The following SDHAF3 variants were observed in gnomAD, a reference collection of about 807,000 sequenced individuals.
SDHAF3 encodes the protein succinate dehydrogenase assembly factor 3, mitochondrial.
A neutral mutation model predicts 11.5 loss-of-function variants in SDHAF3; 18 were observed. That is an observed-to-expected ratio of 1.56 (90% CI 1.08 to 2.32). The LOEUF is 2.32. SDHAF3 is among the 30% of genes most tolerant of loss of function. The pLI is 0.00. For synonymous variants in SDHAF3, 72 were observed against 59.3 expected, an observed-to-expected ratio of 1.21 and a Z score of -0.99; for missense variants, 200 against 154.4, an observed-to-expected ratio of 1.30 and a Z score of -1.57.
At position 97,137,053 on chromosome 7, in the gene SDHAF3, G is replaced by C. The variant is rs534753179; in HGVS notation, c.174+19156G>C. ...TTTGTTTTTGGTTGTTTGTTTTTCAGGGCTGTCTGGGAGCCTCACTAGTAT... is the reference window on the plus strand; with the variant it reads ...TTTGTTTTTGGTTGTTTGTTTTTCACGGCTGTCTGGGAGCCTCACTAGTAT... On this transcript the variant is annotated intron_variant, in intron 1 of 1. Transcript: ENST00000432641. Among the ~76,000 whole-genome samples the C allele has an allele frequency of 7.9e-5, 12 of 152,024 alleles. No homozygotes were observed. In the South Asian group the frequency reaches 2.5e-3, roughly 32 times the overall value.
chr7:97,160,510 A>G (rs1024448136), intron 1 of SDHAF3, among the ~76,000 whole-genome samples: 10 of 152,142 alleles, frequency 6.6e-5, no homozygotes, highest in African/African-American at 9.7e-5. Flanking sequence ...TACTGTGTCT[A>G]TGTAGAAAGA....
At chr7:97,153,974 A>T (rs1789265228) in intron 1 of SDHAF3, among the ~76,000 whole-genome samples, 1 of 152,258 alleles carries the variant, frequency 6.6e-6, no homozygotes, top group Non-Finnish European at 1.5e-5. Context: ...TTGTGTGAGC[A>T]ACAAGGCTGT....
rs182385263 is a variant in SDHAF3 at position 97,132,694 on chromosome 7, G to C, written c.174+14797G>C. Among the ~76,000 whole-genome samples the C allele has an allele frequency of 1.5e-3, 235 of 152,282 alleles. 1 individual carries two copies. Among genetic ancestry groups the C allele is most frequent in the African/African-American group, 5.2e-3 (216 of 41,556 alleles). ...GAAGGCTGTCAGTGAGGTAGGATTG[G>C]GAGGGGATATAGGTTAACTGTTGGT... On this transcript the variant is annotated intron_variant, in intron 1 of 1. Transcript: ENST00000432641.
In SDHAF3 at chr7:97,181,170, C is replaced by T; in HGVS notation, c.333C>T (p.Pro111=). 6.2e-7 allele frequency: 1 copy of T among 1,613,874 alleles called. No individual in the cohort carries two copies. The highest frequency in any genetic ancestry group is 1.1e-5 in the South Asian group (1 of 91,046). Reference sequence around the variant, plus strand: ...AGCTGATGCAAGAAGCCACAAAACCCAATAGGCAATTTAGTATTTCTGAGT... The same window carrying T: ...AGCTGATGCAAGAAGCCACAAAACCTAATAGGCAATTTAGTATTTCTGAGT... ...LQELMQEATK[P]NRQFSISESM... is the part of the protein sequence containing the mutation. The change falls in exon 2 of 2, where the codon CCC becomes CCT. Residue 111 remains proline, a synonymous_variant. Transcript: ENST00000432641.
intron 1 of SDHAF3, among the ~76,000 whole-genome samples, chr7:97,147,388 C>G (rs899500833): frequency 1.3e-5 from 2 of 152,170 alleles, no homozygotes; most frequent in Non-Finnish European, 1.5e-5. Context: ...TTTTCAAAAA[C>G]ACTTCATTAA....
At chr7:97,145,057 T>TC (rs1445973836) in intron 1 of SDHAF3, among the ~76,000 whole-genome samples, 2 of 151,984 alleles carry the variant, frequency 1.3e-5, no homozygotes, top group Non-Finnish European at 2.9e-5. Context: ...TTTGTTTTTT[T>TC]TTTTTTGCAG....
At chr7:97,169,190 G>A (rs1055696535) in intron 1 of SDHAF3, among the ~76,000 whole-genome samples, 1 of 152,118 alleles carries the variant, frequency 6.6e-6, no homozygotes, top group Non-Finnish European at 1.5e-5. Flanking sequence ...GCTGGGCATG[G>A]TGGTGGGCGC....
chr7:97,127,031 T>G (rs1208681513), intron 1 of SDHAF3, among the ~76,000 whole-genome samples: 1 of 152,116 alleles, frequency 6.6e-6, no homozygotes, highest in Admixed American at 6.5e-5. Context: ...TGGCTTCCCT[T>G]GGCTGGGAAA....
intron 1 of SDHAF3, among the ~76,000 whole-genome samples, chr7:97,149,857 G>A (rs1789191107): frequency 6.6e-6 from 1 of 152,186 alleles, no homozygotes; most frequent in South Asian, 2.1e-4. Flanking sequence ...AGCATGCAAT[G>A]CTGTTTGATG....
chr7:97,123,788 CTT>C (rs201123819), intron 1 of SDHAF3, among the ~76,000 whole-genome samples: 4 of 137,564 alleles, frequency 2.9e-5, no homozygotes, highest in African/African-American at 5.3e-5. Context: ...GCATAAATGT[CTT>C]TTTTTTTTTT....
intron 1 of SDHAF3, among the ~76,000 whole-genome samples, chr7:97,124,328 C>T (rs964834632): frequency 1.3e-5 from 2 of 151,994 alleles, no homozygotes; most frequent in South Asian, 4.2e-4. Context: ...TTTCTGAGGC[C>T]TCTGTTTTGT....
chr7:97,151,219 G>A (rs532190728), intron 1 of SDHAF3, among the ~76,000 whole-genome samples: 1 of 152,310 alleles, frequency 6.6e-6, no homozygotes, highest in African/African-American at 2.4e-5. Flanking sequence ...ATTAATAGGA[G>A]AAAGGCATAC....
intron 1 of SDHAF3, among the ~76,000 whole-genome samples, chr7:97,179,029 G>A (rs1332107413): frequency 6.6e-6 from 1 of 152,008 alleles, no homozygotes; most frequent in Non-Finnish European, 1.5e-5. Context: ...TAGAAGATGG[G>A]GTGTCTAACT....
At chr7:97,145,152 T>G (rs1789117297) in intron 1 of SDHAF3, among the ~76,000 whole-genome samples, 1 of 152,094 alleles carries the variant, frequency 6.6e-6, no homozygotes, top group Non-Finnish European at 1.5e-5. Context: ...TTGTGTACAT[T>G]AATCTAGTAT....
rs191647002 is a variant in SDHAF3 at position 97,119,640 on chromosome 7, C to T, written c.174+1743C>T. Among the ~76,000 whole-genome samples the T allele has an allele frequency of 2.4e-3, 370 of 152,260 alleles. 3 individuals carry two copies. The highest frequency in any genetic ancestry group is 4.2e-3 in the Non-Finnish European group (284 of 67,986). On this transcript the variant is annotated intron_variant, in intron 1 of 1. Transcript: ENST00000432641. ...AGACTTTATTTACAATTTGCCAGCC[C>T]TTTCACTAATGTCCTTATTCTGTTC...
intron 1 of SDHAF3, among the ~76,000 whole-genome samples, chr7:97,180,152 A>C (rs1789748098): frequency 6.6e-6 from 1 of 152,244 alleles, no homozygotes; most frequent in African/African-American, 2.4e-5. Context: ...GTTTTTCTTG[A>C]CACAGATGGT....
chr7:97,133,841 T>G (rs1317156344), intron 1 of SDHAF3, among the ~76,000 whole-genome samples: 3 of 152,220 alleles, frequency 2.0e-5, no homozygotes, highest in African/African-American at 7.2e-5. Context: ...CACTAAAATA[T>G]TTGTGCTTTA....
At chr7:97,158,053 C>CA (rs983853875) in intron 1 of SDHAF3, among the ~76,000 whole-genome samples, 8 of 151,732 alleles carry the variant, frequency 5.3e-5, no homozygotes, top group African/African-American at 1.7e-4. Flanking sequence ...CATGGTGTGC[C>CA]ATGAGCACAC....
chr7:97,167,731 T>C (rs1468536422), intron 1 of SDHAF3, among the ~76,000 whole-genome samples: 1 of 152,144 alleles, frequency 6.6e-6, no homozygotes, highest in Non-Finnish European at 1.5e-5. Flanking sequence ...AGCTATCCTC[T>C]TGCACTGGGT....
Sources: gnomAD v4.1 joint callset for allele counts (sites outside exome capture counted in the v4.1 genomes callset) on GRCh38, gnomAD v4.1.1 for gene constraint, MANE v1.5 for transcripts, NCBI Gene and HGNC (gene_info 2026-07-23, HGNC 2026-07-21) for gene names.